GALNT2: variants seen among roughly 807,000 people sequenced by gnomAD.
GALNT2 encodes UDP-GalNAc:polypeptide N-acetylgalactosaminyltransferase 2.
Under a neutral mutation model 81.4 loss-of-function variants are expected in GALNT2, and 31 were observed. That is an observed-to-expected ratio of 0.38 (90% confidence interval 0.29 to 0.51). The LOEUF (loss-of-function observed/expected upper bound fraction) is 0.51. GALNT2 is among the 20% of genes least tolerant of loss of function. The pLI is 0.87. For synonymous variants in GALNT2, 303 were observed against 287.4 expected, an observed-to-expected ratio of 1.05 and a Z score of -0.55; for missense variants, 629 against 765.7, an observed-to-expected ratio of 0.82 and a Z score of 2.11.
chr1:230,104,893 TC>T (rs1660494378), intron 1 of GALNT2, among the ~76,000 whole-genome samples: 1 of 151,988 alleles, frequency 6.6e-6, no homozygotes, highest in Non-Finnish European at 1.5e-5. Context: ...ACGCTTGCAG[TC>T]CCCCCGTTCT....
chr1:230,185,295 TGTGTGTGCGC>T (rs973683989), intron 2 of GALNT2, among the ~76,000 whole-genome samples: 3 of 110,950 alleles, frequency 2.7e-5, no homozygotes, highest in African/African-American at 9.8e-5. Flanking sequence ...TGTGTGTGTG[TGTGTGTGCGC>T]GCGTGTGTGT....
rs374359790 is a variant in GALNT2, at chr1:230,236,029, G to A, written c.390G>A (p.Gln130=). ...DTRHDQCQRK[Q]WRVDLPATSV... The stretch of plus-strand genomic sequence containing the variant: ...CTTCCTGCAGGTGTCAGCGGAAGCA[G>A]TGGCGGGTGGATCTGCCGGCCACCA... The change falls in exon 4 of 16, where the codon CAG becomes CAA. Residue 130 remains glutamine, a synonymous_variant. Transcript: ENST00000366672. 5.8e-5 allele frequency: 94 copies of A among 1,613,060 alleles called. No homozygotes were observed. Among genetic ancestry groups the A allele is most frequent in the Non-Finnish European group, 6.4e-5 (76 of 1,179,680 alleles).
chr1:230,246,031 T>C lies in GALNT2; in HGVS notation c.730-32T>C, dbSNP rs774388660. On this transcript the variant is annotated intron_variant, in intron 7 of 15. Transcript: ENST00000366672. Reference sequence around the variant, plus strand: ...GGGCAGGTTTTTTGTTTTGCTGGGATTTTGATAACTACTCCTCTCTTTGTA... The same window carrying C: ...GGGCAGGTTTTTTGTTTTGCTGGGACTTTGATAACTACTCCTCTCTTTGTA... 96 of 1,583,010 alleles carry C rather than the reference T, an allele frequency of 6.1e-5. 1 individual carries two copies. In the South Asian group the frequency reaches 9.8e-4, roughly 16 times the overall value.
At position 230,074,364 on chromosome 1, in the gene GALNT2, C is replaced by T. The variant is rs1277080955; in HGVS notation, c.126+6958C>T. 4.6e-5 allele frequency among the ~76,000 whole-genome samples: 7 copies of T among 152,176 alleles called. No individual in the cohort carries two copies. The South Asian group carries it at 1.2e-3, about 27-fold the overall frequency. ...AAAGCATTGGGATTCCAGGTGTGAG[C>T]GACTGCACTGGGCTGGATCATTCTT... On this transcript the variant is annotated intron_variant, in intron 1 of 15. Transcript: ENST00000366672.
intron 3 of GALNT2, among the ~76,000 whole-genome samples, chr1:230,220,500 T>C (rs1221186800): frequency 6.6e-6 from 1 of 152,028 alleles, no homozygotes; most frequent in African/African-American, 2.4e-5. Flanking sequence ...GCAGGGCCTC[T>C]GGTGCACAGG....
At chr1:230,240,688 A>G (rs944417423) in intron 6 of GALNT2, among the ~76,000 whole-genome samples, 6 of 150,676 alleles carry the variant, frequency 4.0e-5, no homozygotes, top group African/African-American at 1.5e-4. Context: ...CAATTTGATT[A>G]TGATGTGCCT....
chr1:230,278,946 G>A (rs1666364535), intron 15 of GALNT2, among the ~76,000 whole-genome samples: 1 of 152,186 alleles, frequency 6.6e-6, no homozygotes, highest in African/African-American at 2.4e-5. Context: ...ACTGGATCAA[G>A]CTTTCATACG....
At chr1:230,209,818 T>C (rs1490171804) in intron 3 of GALNT2, among the ~76,000 whole-genome samples, 1 of 138,324 alleles carries the variant, frequency 7.2e-6, no homozygotes, top group East Asian at 2.0e-4. Context: ...AGCAAGACCT[T>C]GTCTCAAAAA....
intron 1 of GALNT2, among the ~76,000 whole-genome samples, chr1:230,127,723 C>T (rs1661233074): frequency 7.0e-6 from 1 of 142,166 alleles, no homozygotes; most frequent in Non-Finnish European, 1.5e-5. Flanking sequence ...GAGCCCCTCG[C>T]GGTGGTGGTT....
chr1:230,082,613 G>A (rs1659769347), intron 1 of GALNT2, among the ~76,000 whole-genome samples: 1 of 152,238 alleles, frequency 6.6e-6, no homozygotes, highest in African/African-American at 2.4e-5. Flanking sequence ...TTCGGGAAGG[G>A]AGTGTAGTGG....
chr1:230,108,215 T>C (rs979193463), intron 1 of GALNT2, among the ~76,000 whole-genome samples: 24 of 152,342 alleles, frequency 1.6e-4, no homozygotes, highest in African/African-American at 5.3e-4. Flanking sequence ...AGAGCACTTC[T>C]AATTGGGCAT....
chr1:230,074,002 C>G (rs189257922), intron 1 of GALNT2, among the ~76,000 whole-genome samples: 1 of 152,016 alleles, frequency 6.6e-6, no homozygotes, highest in South Asian at 2.1e-4. Context: ...GAGTTCAGGT[C>G]AGGACATGCA....
chr1:230,187,650 G>A (rs548626895), intron 2 of GALNT2, among the ~76,000 whole-genome samples: 14 of 152,290 alleles, frequency 9.2e-5, no homozygotes, highest in South Asian at 2.1e-4. Context: ...CTGAATTCTC[G>A]TCCGGTGTCC....
rs140567524 is a variant in GALNT2 at position 230,205,361 on chromosome 1, AGTGTGTGT to A, written c.374+2078_374+2085del. Among the ~76,000 whole-genome samples the A allele has an allele frequency of 1.8e-4, 28 of 151,922 alleles. No homozygotes were observed. The East Asian group carries it at 5.4e-3, about 29-fold the overall frequency. ...TACAGTTTTTTTAGGGCCATGGAAAAGTGTGTGTGTGTGTTTGTGTGTTAATATCTGAT... is the reference window on the plus strand; with the variant it reads ...TACAGTTTTTTTAGGGCCATGGAAAAGTGTGTTTGTGTGTTAATATCTGAT... On this transcript the variant is annotated intron_variant, in intron 3 of 15. Transcript: ENST00000366672.
intron 1 of GALNT2, among the ~76,000 whole-genome samples, chr1:230,123,108 G>A (rs983641763): frequency 1.3e-5 from 2 of 152,162 alleles, no homozygotes; most frequent in African/African-American, 2.4e-5. Flanking sequence ...TATTTTCAGC[G>A]TTCAGAACAT....
rs187737848 is a variant in GALNT2, at chr1:230,278,221, C to T, written c.1561-1082C>T. Among the ~76,000 whole-genome samples, 300 of 150,824 alleles carry T rather than the reference C, an allele frequency of 2.0e-3. 1 individual carries two copies. Among genetic ancestry groups the T allele is most frequent in the African/African-American group, 7.0e-3 (289 of 41,038 alleles). On this transcript the variant is annotated intron_variant, in intron 15 of 15. Coordinates refer to ENST00000366672, the MANE Select transcript of GALNT2 (RefSeq NM_004481.5). ...GCAGCCTCGAACTCCTGTGCCCAAG[C>T]GATCCTCCCACCTCAGCCTGCAAGG... is the stretch of plus-strand genomic sequence containing the variant.
intron 1 of GALNT2, among the ~76,000 whole-genome samples, chr1:230,171,894 G>T (rs1408289430): frequency 6.6e-6 from 1 of 152,088 alleles, no homozygotes; most frequent in Non-Finnish European, 1.5e-5. Context: ...CAATTCTTGG[G>T]CTTCCAACAC....
At chr1:230,264,972 CAAA>C (rs67239229) in intron 13 of GALNT2, 4,369 of 170,116 alleles carry the variant, frequency 0.026, 38 homozygotes, top group African/African-American at 0.064. Flanking sequence ...CCTTCCTTTC[CAAA>C]AAAAAAAAAA....
intron 2 of GALNT2, among the ~76,000 whole-genome samples, chr1:230,199,091 G>A (rs764429687): frequency 6.6e-6 from 1 of 152,174 alleles, no homozygotes; most frequent in Non-Finnish European, 1.5e-5. Context: ...TTCTAAAGCT[G>A]TTTAATTTCC....
Sources: gnomAD v4.1 joint callset for allele counts (sites outside exome capture counted in the v4.1 genomes callset) on GRCh38, gnomAD v4.1.1 for gene constraint, MANE v1.5 for transcripts, NCBI Gene and HGNC (gene_info 2026-07-23, HGNC 2026-07-21) for gene names.